CYP7B1: variants seen among roughly 807,000 people sequenced by gnomAD.
The protein encoded by CYP7B1 is cytochrome P450 7B1.
In CYP7B1, 29 loss-of-function variants were observed where a neutral mutation model predicts 42.7. The observed-to-expected ratio is 0.68, with a 90% CI of 0.51 to 0.93. The LOEUF (loss-of-function observed/expected upper bound fraction) is 0.93, where lower values mean the gene tolerates loss of function less well. CYP7B1 is among the 40% of genes least tolerant of loss of function. CYP7B1 has a pLI of 0.00. For synonymous variants in CYP7B1, 235 were observed against 218.2 expected, an observed-to-expected ratio of 1.08 and a Z score of -0.68; for missense variants, 655 against 600.5, an observed-to-expected ratio of 1.09 and a Z score of -0.95.
At chr8:64,760,457 A>G (rs940876172) in intron 1 of CYP7B1, among the ~76,000 whole-genome samples, 1 of 152,130 alleles carries the variant, frequency 6.6e-6, no homozygotes, top group Non-Finnish European at 1.5e-5. Flanking sequence ...AACATATTTG[A>G]TAAAAGGTTA....
At chr8:64,774,777 C>T (rs1424347296) in intron 1 of CYP7B1, among the ~76,000 whole-genome samples, 2 of 152,130 alleles carry the variant, frequency 1.3e-5, no homozygotes, top group Admixed American at 6.6e-5. Context: ...TATCTGCTTT[C>T]CTTCAAGGGT....
intron 2 of CYP7B1, among the ~76,000 whole-genome samples, chr8:64,620,712 C>A (rs1337398857): frequency 6.6e-6 from 1 of 152,092 alleles, no homozygotes; most frequent in Non-Finnish European, 1.5e-5. Context: ...TCACTAGAAC[C>A]ATATACATTA....
At chr8:64,737,930 G>A (rs577336757) in intron 1 of CYP7B1, among the ~76,000 whole-genome samples, 4 of 152,250 alleles carry the variant, frequency 2.6e-5, no homozygotes, top group African/African-American at 9.6e-5. Context: ...TGTAGAGACA[G>A]GAATTGCCCT....
intron 1 of CYP7B1, among the ~76,000 whole-genome samples, chr8:64,718,138 C>A (rs1807185309): frequency 6.6e-6 from 1 of 151,594 alleles, no homozygotes; most frequent in Admixed American, 6.6e-5. Context: ...TTTCAAAGGT[C>A]TAAATAAAGT....
intron 5 of CYP7B1, among the ~76,000 whole-genome samples, chr8:64,598,197 T>C (rs1171933679): frequency 6.6e-6 from 1 of 152,224 alleles, no homozygotes; most frequent in African/African-American, 2.4e-5. Flanking sequence ...TTATAACTGC[T>C]CAATTCCTGA....
intron 1 of CYP7B1, among the ~76,000 whole-genome samples, chr8:64,640,677 C>A (rs2129630965): frequency 6.6e-6 from 1 of 152,150 alleles, no homozygotes; most frequent in African/African-American, 2.4e-5. Flanking sequence ...GAAACAGAAT[C>A]AGAGATGTAA....
intron 1 of CYP7B1, among the ~76,000 whole-genome samples, chr8:64,771,851 G>C (rs1344501489): frequency 6.6e-6 from 1 of 152,212 alleles, no homozygotes; most frequent in Non-Finnish European, 1.5e-5. Flanking sequence ...AACATGGACA[G>C]AGAAAAACAT....
intron 1 of CYP7B1, among the ~76,000 whole-genome samples, chr8:64,697,441 C>T (rs1051380011): frequency 1.3e-5 from 2 of 152,152 alleles, no homozygotes; most frequent in Non-Finnish European, 2.9e-5. Flanking sequence ...GAGAACAGGA[C>T]GTGTGTCTGT....
intron 1 of CYP7B1, among the ~76,000 whole-genome samples, chr8:64,770,119 C>T (rs550584495): frequency 1.3e-5 from 2 of 152,276 alleles, no homozygotes; most frequent in African/African-American, 4.8e-5. Flanking sequence ...AGCAGATTGT[C>T]ATCAAGCCCA....
At chr8:64,749,559 AC>A (rs1162626978) in intron 1 of CYP7B1, among the ~76,000 whole-genome samples, 2 of 152,200 alleles carry the variant, frequency 1.3e-5, no homozygotes, top group African/African-American at 2.4e-5. Flanking sequence ...AGATTTGAAG[AC>A]TTATTGAATC....
intron 1 of CYP7B1, among the ~76,000 whole-genome samples, chr8:64,778,174 A>AATATATATATATAT (rs60859854): frequency 0.025 from 3,297 of 132,954 alleles, 53 homozygotes; most frequent in East Asian, 0.062. Flanking sequence ...ACTAGTTTGA[A>AATATATATATATAT]ATATATATAT....
chr8:64,625,300 C>T (rs773585008), intron 1 of CYP7B1, among the ~76,000 whole-genome samples: 1 of 152,070 alleles, frequency 6.6e-6, no homozygotes, highest in Non-Finnish European at 1.5e-5. Context: ...GCCTTTGCAT[C>T]CTGGTGAGCA....
At chr8:64,599,528 G>A (rs542961920) in intron 5 of CYP7B1, among the ~76,000 whole-genome samples, 47 of 152,262 alleles carry the variant, frequency 3.1e-4, no homozygotes, top group African/African-American at 1.1e-3. Flanking sequence ...TAAGCATGTT[G>A]CTTCACAATT....
intron 1 of CYP7B1, among the ~76,000 whole-genome samples, chr8:64,730,751 G>GCACACACACACACACACACACACACA (rs61050207): frequency 4.9e-5 from 7 of 142,970 alleles, no homozygotes; most frequent in African/African-American, 1.6e-4. Context: ...AGGACTGTCT[G>GCACACACACACACACACACACACACA]CACACACACA....
chr8:64,671,740 A>G (rs1339788945), intron 1 of CYP7B1, among the ~76,000 whole-genome samples: 1 of 152,126 alleles, frequency 6.6e-6, no homozygotes, highest in Non-Finnish European at 1.5e-5. Context: ...GTATGGATAC[A>G]TTCACACACA....
chr8:64,636,333 T>C (rs774440064), intron 1 of CYP7B1, among the ~76,000 whole-genome samples: 3 of 152,166 alleles, frequency 2.0e-5, no homozygotes, highest in Non-Finnish European at 4.4e-5. Flanking sequence ...CGGTTCCTCA[T>C]TTGTAAAATG....
At chr8:64,650,545 G>A (rs1006005969) in intron 1 of CYP7B1, among the ~76,000 whole-genome samples, 2 of 152,234 alleles carry the variant, frequency 1.3e-5, no homozygotes, top group African/African-American at 4.8e-5. Context: ...CTACTTAGGA[G>A]GCTGAGGCAG....
chr8:64,744,671 T>A lies in CYP7B1; in HGVS notation c.122+53795A>T, dbSNP rs114810751. On this transcript the variant is annotated intron_variant, in intron 1 of 5. Transcript: ENST00000310193. ...ATATGATGCTGACCCTTCTTTGAGA[T>A]GTACTCTGCAAACCCATGAATTGTC... Among the ~76,000 whole-genome samples the A allele has an allele frequency of 9.2e-3, 1,405 of 152,322 alleles. 21 individuals are homozygous for A. The highest frequency in any genetic ancestry group is 0.032 in the African/African-American group (1,333 of 41,576).
At chr8:64,627,997 T>C (rs1028201907) in intron 1 of CYP7B1, among the ~76,000 whole-genome samples, 1 of 152,154 alleles carries the variant, frequency 6.6e-6, no homozygotes, top group African/African-American at 2.4e-5. Flanking sequence ...GAAAATGAAA[T>C]ACACACTGCC....
Sources: allele counts gnomAD v4.1 joint callset (sites outside exome capture counted in the v4.1 genomes callset), GRCh38; gene constraint gnomAD v4.1.1; transcripts MANE v1.5; gene names NCBI Gene and HGNC (gene_info 2026-07-23, HGNC 2026-07-21).